KCNMB4: variants seen among roughly 807,000 people sequenced by gnomAD.
KCNMB4 encodes potassium calcium-activated channel subfamily M regulatory beta subunit 4.
KCNMB4 carries 3 observed loss-of-function variants against 20.7 expected under a neutral mutation model. That is an observed-to-expected ratio of 0.14 (90% CI 0.07 to 0.37). The LOEUF (loss-of-function observed/expected upper bound fraction) is 0.37. Among genes scored for constraint, KCNMB4 ranks in the 10% least tolerant of loss-of-function variants. The pLI, the probability that KCNMB4 is intolerant of heterozygous loss-of-function variation, is 1.00. For missense variants in KCNMB4, 168 were observed against 265.9 expected (o/e 0.63, Z 2.56); for synonymous variants, 110 against 113.4 (o/e 0.97, Z 0.19).
chr12:70,409,845 G>A (rs1430475073), intron 2 of KCNMB4, among the ~76,000 whole-genome samples: 1 of 152,258 alleles, frequency 6.6e-6, no homozygotes, highest in East Asian at 1.9e-4. Context: ...GAAGGCCAGT[G>A]TGTCAGGAGA....
chr12:70,401,967 C>T (rs1417616132), intron 2 of KCNMB4, among the ~76,000 whole-genome samples: 1 of 152,158 alleles, frequency 6.6e-6, no homozygotes, highest in Non-Finnish European at 1.5e-5. Flanking sequence ...CTGGAGTAGG[C>T]TTTGCCTCTT....
intron 1 of KCNMB4, among the ~76,000 whole-genome samples, chr12:70,387,497 G>A (rs543000941): frequency 1.3e-5 from 2 of 149,174 alleles, no homozygotes; most frequent in Non-Finnish European, 3.0e-5. Flanking sequence ...CCTTCTACCA[G>A]TTTCAAGCAA....
intron 1 of KCNMB4, among the ~76,000 whole-genome samples, chr12:70,396,170 G>T (rs1306861704): frequency 1.3e-5 from 2 of 152,150 alleles, no homozygotes; most frequent in Non-Finnish European, 2.9e-5. Flanking sequence ...GAGGGCAGGG[G>T]ATCTCCTTGT....
intron 2 of KCNMB4, 21 bp from the exon 3 acceptor site, chr12:70,430,464 T>G: frequency 6.2e-7 from 1 of 1,611,974 alleles, no homozygotes; most frequent in Non-Finnish European, 8.5e-7. Context: ...CCTTTCTTTC[T>G]TATTCTCCAT....
rs144030238 is a variant in KCNMB4, at chr12:70,425,768, G to A, written c.465-4717G>A. 1.0e-3 allele frequency among the ~76,000 whole-genome samples: 155 copies of A among 152,266 alleles called. 1 individual carries two copies. Among genetic ancestry groups the A allele is most frequent in the Admixed American group, 3.7e-3 (57 of 15,296 alleles). On this transcript the variant is annotated intron_variant, in intron 2 of 2. Transcript: ENST00000258111. ...CACCCAGAAACATAGGACACTTCAG[G>A]CACCTCAGTGATTTGAGTCTTGAAC...
At chr12:70,380,615 G>A (rs2136119222) in intron 1 of KCNMB4, among the ~76,000 whole-genome samples, 1 of 151,698 alleles carries the variant, frequency 6.6e-6, no homozygotes, top group South Asian at 2.1e-4. Flanking sequence ...GAATAAGGAT[G>A]GACCTACCAA....
At chr12:70,381,626 C>A (rs1883788075) in intron 1 of KCNMB4, among the ~76,000 whole-genome samples, 1 of 152,242 alleles carries the variant, frequency 6.6e-6, no homozygotes. Flanking sequence ...CAAAAAAACA[C>A]ACGTTATATG....
intron 1 of KCNMB4, among the ~76,000 whole-genome samples, chr12:70,374,587 T>G (rs1348198369): frequency 6.6e-6 from 1 of 152,218 alleles, no homozygotes; most frequent in African/African-American, 2.4e-5. Flanking sequence ...AATATAATAC[T>G]TGTAAATCAT....
At chr12:70,367,133 T>TA in intron 1 of KCNMB4, 63 bp downstream of exon 1, 3 of 1,323,504 alleles carry the variant, frequency 2.3e-6, no homozygotes, top group South Asian at 3.1e-5. Context: ...GCGTCGGTGT[T>TA]AGACTCCGCG....
At chr12:70,404,031 A>C (rs1868528791) in intron 2 of KCNMB4, among the ~76,000 whole-genome samples, 1 of 152,254 alleles carries the variant, frequency 6.6e-6, no homozygotes, top group South Asian at 2.1e-4. Flanking sequence ...TGATTACATC[A>C]GCTAGAAATA....
At chr12:70,417,543 A>G (rs1868943134) in intron 2 of KCNMB4, among the ~76,000 whole-genome samples, 1 of 152,238 alleles carries the variant, frequency 6.6e-6, no homozygotes, top group Non-Finnish European at 1.5e-5. Flanking sequence ...AGTAGTAAAT[A>G]TGATCATTCA....
chr12:70,376,852 A>G (rs570925743), intron 1 of KCNMB4, among the ~76,000 whole-genome samples: 34 of 150,722 alleles, frequency 2.3e-4, no homozygotes, highest in African/African-American at 7.8e-4. Context: ...AGCCTGGGCA[A>G]CAGAGTGAGA....
intron 1 of KCNMB4, among the ~76,000 whole-genome samples, chr12:70,381,110 A>G (rs1883778110): frequency 6.6e-6 from 1 of 152,058 alleles, no homozygotes; most frequent in Admixed American, 6.5e-5. Context: ...TTTTTTTCCA[A>G]AGAAGGTATC....
In KCNMB4 at chr12:70,431,452, A is replaced by G. The variant is rs991212431; in HGVS notation, c.*799A>G. On this transcript the variant is annotated 3_prime_UTR_variant, in exon 3 of 3. Transcript: ENST00000258111. Reference sequence around the variant, plus strand: ...ACGGAGTTAAAAAAGTTTGTGTGCAATACAATATACATGATGTGAAGGACA... The same window carrying G: ...ACGGAGTTAAAAAAGTTTGTGTGCAGTACAATATACATGATGTGAAGGACA... 3 of 151,858 alleles carry G rather than the reference A, an allele frequency of 2.0e-5. No homozygotes were observed. The highest frequency in any genetic ancestry group is 7.3e-5 in the African/African-American group (3 of 41,362). The allele number at this position is 151,858 out of a possible 1,614,324, so 9.4% of individuals were successfully genotyped here.
intron 2 of KCNMB4, among the ~76,000 whole-genome samples, chr12:70,409,519 C>T (rs1291357261): frequency 6.6e-6 from 1 of 152,124 alleles, no homozygotes; most frequent in East Asian, 1.9e-4. Context: ...AAACCAAAGA[C>T]AAAACAACAA....
intron 1 of KCNMB4, among the ~76,000 whole-genome samples, chr12:70,378,601 G>A (rs1068724): frequency 0.57 from 86,594 of 151,952 alleles, 26,001 homozygotes; most frequent in African/African-American, 0.77. Context: ...CAATGGTGTG[G>A]TCTTGGCTCG....
intron 2 of KCNMB4, among the ~76,000 whole-genome samples, chr12:70,415,288 T>C (rs569362268): frequency 6.6e-6 from 1 of 152,184 alleles, no homozygotes; most frequent in Non-Finnish European, 1.5e-5. Flanking sequence ...TCTGTAAAAC[T>C]TGGACAATAT....
intron 1 of KCNMB4, among the ~76,000 whole-genome samples, chr12:70,399,964 T>C (rs1868408981): frequency 1.3e-5 from 2 of 152,208 alleles, no homozygotes; most frequent in Admixed American, 6.5e-5. Context: ...GTTTATAAAA[T>C]ACCCTTACAC....
At chr12:70,404,683 T>G (rs748410421) in intron 2 of KCNMB4, among the ~76,000 whole-genome samples, 2 of 152,168 alleles carry the variant, frequency 1.3e-5, no homozygotes, top group African/African-American at 2.4e-5. Flanking sequence ...TCAACAGAAC[T>G]TAATGACAAT....
Sources: allele counts gnomAD v4.1 joint callset (sites outside exome capture counted in the v4.1 genomes callset), GRCh38; gene constraint gnomAD v4.1.1; transcripts MANE v1.5; gene names NCBI Gene and HGNC (gene_info 2026-07-23, HGNC 2026-07-21).